PCMTD1: variants seen among roughly 807,000 people sequenced by gnomAD.
The protein encoded by PCMTD1 is protein-L-isoaspartate (D-aspartate) O-methyltransferase domain containing 1.
In PCMTD1, 12 loss-of-function variants were observed where a neutral mutation model predicts 37.6. The observed-to-expected ratio is 0.32, with a 90% CI of 0.20 to 0.52. PCMTD1 has a LOEUF of 0.52. Among genes scored for constraint, PCMTD1 ranks in the 20% least tolerant of loss-of-function variants. The pLI is 0.97. For missense variants in PCMTD1, 235 were observed against 421.3 expected, an observed-to-expected ratio of 0.56 and a Z score of 3.87; for synonymous variants, 117 against 135.8, an observed-to-expected ratio of 0.86 and a Z score of 0.96.
At chr8:51,887,949 T>C (rs1034045590) in intron 1 of PCMTD1, among the ~76,000 whole-genome samples, 1 of 152,120 alleles carries the variant, frequency 6.6e-6, no homozygotes, top group African/African-American at 2.4e-5. Flanking sequence ...TTCACCATGT[T>C]GGCCAGGATG....
At chr8:51,888,859 G>A (rs916649539) in intron 1 of PCMTD1, among the ~76,000 whole-genome samples, 2 of 152,158 alleles carry the variant, frequency 1.3e-5, no homozygotes, top group Non-Finnish European at 2.9e-5. Context: ...GGGTCATTAT[G>A]AGGAACAGTA....
At chr8:51,859,082 T>C (rs940527318) in intron 2 of PCMTD1, among the ~76,000 whole-genome samples, 1 of 152,156 alleles carries the variant, frequency 6.6e-6, no homozygotes, top group African/African-American at 2.4e-5. Flanking sequence ...TTTGGCTAGA[T>C]TGACCTCCCT....
At chr8:51,889,771 C>A (rs2038911383) in intron 1 of PCMTD1, among the ~76,000 whole-genome samples, 1 of 152,040 alleles carries the variant, frequency 6.6e-6, no homozygotes, top group Non-Finnish European at 1.5e-5. Flanking sequence ...TGTCAGTTTT[C>A]CTGAAGCAGT....
At chr8:51,885,888 A>G (rs917127430) in intron 1 of PCMTD1, among the ~76,000 whole-genome samples, 5 of 152,234 alleles carry the variant, frequency 3.3e-5, no homozygotes, top group Admixed American at 1.3e-4. Context: ...TTTCAAAGAT[A>G]GCAATTTTTT....
chr8:51,827,029 G>A (rs1323615262), intron 5 of PCMTD1: 2 of 969,210 alleles, frequency 2.1e-6, no homozygotes, highest in African/African-American at 1.8e-5. Flanking sequence ...TTGGAGTCGC[G>A]TTCTTTCATA....
chr8:51,861,303 C>T, intron 1 of PCMTD1, 57 bp from the exon 2 acceptor site: 1 of 1,222,064 alleles, frequency 8.2e-7, no homozygotes. Flanking sequence ...AGCAAAATAA[C>T]TTGTTTATTA....
intron 1 of PCMTD1, among the ~76,000 whole-genome samples, chr8:51,861,901 A>C (rs962170788): frequency 1.3e-5 from 2 of 151,806 alleles, no homozygotes; most frequent in African/African-American, 4.8e-5. Context: ...TTTTGTAGAG[A>C]CAGGGTTTCA....
intron 1 of PCMTD1, among the ~76,000 whole-genome samples, chr8:51,890,792 C>T (rs1022812265): frequency 1.3e-5 from 2 of 152,180 alleles, no homozygotes; most frequent in African/African-American, 4.8e-5. Flanking sequence ...CTTAACACAA[C>T]CTTGGTTACT....
chr8:51,833,784 C>T lies in PCMTD1; in HGVS notation c.411-95G>A. On this transcript the variant is annotated intron_variant, in intron 3 of 5. Coordinates refer to ENST00000522514, the MANE Select transcript of PCMTD1 (RefSeq NM_052937.4). The stretch of plus-strand genomic sequence containing the variant: ...AGTCCTTTGAAATAATGACGTTACC[C>T]AAATTAATTATAAGGATAAAATGAT... 3.7e-6 allele frequency: 3 copies of T among 818,628 alleles called. 1 individual carries two copies. The South Asian group carries it at 6.3e-5, about 17-fold the overall frequency. The allele number at this position is 818,628 out of a possible 1,614,324, so 50.7% of individuals were successfully genotyped here. A position where few individuals can be genotyped will look rare whatever the true frequency, so the allele number is the denominator to read the frequency against.
rs1439451492 is a variant in PCMTD1 at position 51,819,585 on chromosome 8, CTA to C, written c.*764_*765del. 1 of 104,124 alleles carries C rather than the reference CTA, an allele frequency of 9.6e-6. No individual in the cohort carries two copies. Among genetic ancestry groups the C allele is most frequent in the Non-Finnish European group, 2.7e-5 (1 of 36,834 alleles). 6.5% of individuals were successfully genotyped at this position (104,124 alleles called of 1,614,324 possible). ...CAATTCTAAATATACTTTTAAAATT[CTA>C]TAGAGTTAAGATAACCTCATTTTTT... On this transcript the variant is annotated 3_prime_UTR_variant, in exon 6 of 6. Coordinates refer to ENST00000522514, the MANE Select transcript of PCMTD1 (RefSeq NM_052937.4).
chr8:51,822,467 T>G (rs1048362472), intron 5 of PCMTD1, among the ~76,000 whole-genome samples: 3 of 152,020 alleles, frequency 2.0e-5, no homozygotes, highest in African/African-American at 7.3e-5. Context: ...GGAGAACAGG[T>G]TGAGAAGAAA....
intron 1 of PCMTD1, among the ~76,000 whole-genome samples, chr8:51,865,827 G>GA (rs200722342): frequency 1.6e-4 from 23 of 146,148 alleles, no homozygotes; most frequent in Middle Eastern, 3.5e-3. Context: ...AATTAAACAA[G>GA]AAAAAAAAAA....
chr8:51,854,109 AAG>A (rs1233045584), intron 2 of PCMTD1, among the ~76,000 whole-genome samples: 3 of 152,230 alleles, frequency 2.0e-5, no homozygotes, highest in Non-Finnish European at 4.4e-5. Flanking sequence ...AGAACCACCT[AAG>A]CCACTTCACA....
Position 51,883,756 on chromosome 8 carries a change from G to A in PCMTD1, c.-96+15174C>T, listed in dbSNP as rs2038825681. The stretch of plus-strand genomic sequence containing the variant: ...GAATTCTCTGCAGTTGAATTACTGT[G>A]ACAAAAGCAACAAAATGAGGCCAAG... On this transcript the variant is annotated intron_variant, in intron 1 of 5. Coordinates refer to ENST00000522514, the MANE Select transcript of PCMTD1 (RefSeq NM_052937.4). Among the ~76,000 whole-genome samples, 3 of 152,188 alleles carry A rather than the reference G, an allele frequency of 2.0e-5. No homozygotes were observed. In the Middle Eastern group the frequency reaches 0.01, roughly 518 times the overall value.
At position 51,818,937 on chromosome 8, in the gene PCMTD1, C is replaced by T. The variant is rs1475166626; in HGVS notation, c.*1414G>A. 1.5e-4 allele frequency: 1 copy of T among 6,528 alleles called. No homozygotes were observed. Among genetic ancestry groups the T allele is most frequent in the East Asian group, 2.8e-3 (1 of 352 alleles). The allele number at this position is 6,528 out of a possible 1,614,324, so 0.4% of individuals were successfully genotyped here. The stretch of plus-strand genomic sequence containing the variant: ...TGTAATAATAATGCTGGTGGTAGTC[C>T]ATGATACTCTCAAATTTTTCCCTTT... On this transcript the variant is annotated 3_prime_UTR_variant, in exon 6 of 6. Coordinates refer to ENST00000522514, the MANE Select transcript of PCMTD1 (RefSeq NM_052937.4).
intron 2 of PCMTD1, among the ~76,000 whole-genome samples, chr8:51,856,398 A>G (rs919814474): frequency 1.6e-4 from 25 of 152,238 alleles, no homozygotes; most frequent in Admixed American, 1.3e-4. Flanking sequence ...AGAACCTCAT[A>G]TAATGTTGGT....
intron 1 of PCMTD1, among the ~76,000 whole-genome samples, chr8:51,895,726 G>A (rs2038989963): frequency 6.6e-6 from 1 of 152,008 alleles, no homozygotes; most frequent in South Asian, 2.1e-4. Flanking sequence ...ATATTTCTGT[G>A]TCACCTAATT....
At chr8:51,846,357 C>T (rs936013795) in intron 2 of PCMTD1, among the ~76,000 whole-genome samples, 5 of 152,134 alleles carry the variant, frequency 3.3e-5, no homozygotes, top group Non-Finnish European at 4.4e-5. Context: ...TGCCCATGGA[C>T]GGACTACCTC....
At chr8:51,892,659 A>C (rs2129295807) in intron 1 of PCMTD1, among the ~76,000 whole-genome samples, 1 of 152,356 alleles carries the variant, frequency 6.6e-6, no homozygotes, top group South Asian at 2.1e-4. Flanking sequence ...TATAATTGAA[A>C]TACAATCTAT....
Sources: gnomAD v4.1 joint callset for allele counts (sites outside exome capture counted in the v4.1 genomes callset) on GRCh38, gnomAD v4.1.1 for gene constraint, MANE v1.5 for transcripts, NCBI Gene and HGNC (gene_info 2026-07-23, HGNC 2026-07-21) for gene names.